The following HS6ST1 variants were observed in gnomAD, a reference collection of about 807,000 sequenced individuals.
The protein encoded by HS6ST1 is heparan sulfate 6-O-sulfotransferase 1.
A neutral mutation model predicts 25.2 loss-of-function variants in HS6ST1; 3 were observed. The observed-to-expected ratio is 0.12, with a 90% CI of 0.05 to 0.31. The LOEUF (loss-of-function observed/expected upper bound fraction) is 0.31, where lower values mean the gene tolerates loss of function less well. Among genes scored for constraint, HS6ST1 ranks in the 10% least tolerant of loss-of-function variants. The probability of loss-of-function intolerance (pLI) is 1.00; values close to 1 mark genes in which losing one functional copy is unlikely to be tolerated. For synonymous variants in HS6ST1, 204 were observed against 275.1 expected (o/e 0.74, Z 2.56); for missense variants, 310 against 609.6 (o/e 0.51, Z 5.18).
At chr2:128,305,650 G>A (rs1694197970) in intron 1 of HS6ST1, among the ~76,000 whole-genome samples, 1 of 152,242 alleles carries the variant, frequency 6.6e-6, no homozygotes, top group South Asian at 2.1e-4. Context: ...CTTAGTGCCT[G>A]GGCAGAGCCT....
chr2:128,304,116 C>T (rs1418683154), intron 1 of HS6ST1, among the ~76,000 whole-genome samples: 1 of 152,240 alleles, frequency 6.6e-6, no homozygotes, highest in East Asian at 1.9e-4. Flanking sequence ...TGCTCGCTGG[C>T]TTCCCTGGTT....
chr2:128,291,754 G>A (rs1001966586), intron 1 of HS6ST1, among the ~76,000 whole-genome samples: 14 of 152,194 alleles, frequency 9.2e-5, no homozygotes, highest in African/African-American at 2.2e-4. Flanking sequence ...CTCTTTCCAC[G>A]GGGAGGCCCT....
At chr2:128,312,083 C>A (rs13000253) in intron 1 of HS6ST1, among the ~76,000 whole-genome samples, 23,911 of 152,316 alleles carry the variant, frequency 0.16, 2,357 homozygotes, top group Non-Finnish European at 0.22. Context: ...CACAGGCCTA[C>A]ATGTGAAACT....
At chr2:128,309,236 TGAAG>T (rs1294525138) in intron 1 of HS6ST1, among the ~76,000 whole-genome samples, 2 of 152,024 alleles carry the variant, frequency 1.3e-5, no homozygotes, top group South Asian at 2.1e-4. Flanking sequence ...CTGTGGAGGG[TGAAG>T]GATAGTGTGG....
intron 1 of HS6ST1, among the ~76,000 whole-genome samples, chr2:128,309,150 C>T (rs1351996926): frequency 6.6e-6 from 1 of 152,204 alleles, no homozygotes. Flanking sequence ...GTTTCCCAGC[C>T]CCGAGGTGGG....
At chr2:128,317,133 C>T (rs751049402) in intron 1 of HS6ST1, among the ~76,000 whole-genome samples, 1 of 152,224 alleles carries the variant, frequency 6.6e-6, no homozygotes, top group Non-Finnish European at 1.5e-5. Context: ...AGGAAAATAA[C>T]CCCAACTTTA....
chr2:128,276,577 G>A (rs1693698876), intron 1 of HS6ST1, among the ~76,000 whole-genome samples: 1 of 152,220 alleles, frequency 6.6e-6, no homozygotes, highest in Non-Finnish European at 1.5e-5. Flanking sequence ...GTGAGCAGCT[G>A]GGGGTACAGG....
In HS6ST1 at chr2:128,268,472, T is replaced by C. The variant is rs777732997; in HGVS notation, c.926A>G (p.Asn309Ser). Reference sequence around the variant, plus strand: ...CATGAAGGGCCGGATGAACTTGAGGTTGAACGTCCGCTCGAACAGGTACTG... The same window carrying C: ...CATGAAGGGCCGGATGAACTTGAGGCTGAACGTCCGCTCGAACAGGTACTG... ...KTQYLFERTF[N>S]LKFIRPFMQY... The change falls in exon 2 of 2, where the codon AAC becomes AGC. Residue 309 changes from asparagine (N) to serine (S), a missense_variant. This residue lies in a region of HS6ST1 where 140 missense variants were observed against 176.5 expected (regional missense o/e 0.79). Transcript: ENST00000259241. The C allele has an allele frequency of 6.2e-6, 10 of 1,613,252 alleles. No homozygotes were observed. Among genetic ancestry groups the C allele is most frequent in the Admixed American group, 3.3e-5 (2 of 59,986 alleles).
chr2:128,292,367 C>T (rs559808730), intron 1 of HS6ST1, among the ~76,000 whole-genome samples: 25 of 152,340 alleles, frequency 1.6e-4, no homozygotes, highest in Middle Eastern at 3.4e-3. Context: ...CTGTGTTCCA[C>T]GCCCAGCTAC....
intron 1 of HS6ST1, among the ~76,000 whole-genome samples, chr2:128,276,911 C>T (rs1693704539): frequency 6.6e-6 from 1 of 152,172 alleles, no homozygotes. Context: ...ACAGGCTCCA[C>T]AAAAGGGGTG....
chr2:128,313,512 T>C (rs1342312569), intron 1 of HS6ST1, among the ~76,000 whole-genome samples: 1 of 152,188 alleles, frequency 6.6e-6, no homozygotes, highest in Admixed American at 6.5e-5. Context: ...TGCCTCATAC[T>C]TTCCTCCCAC....
chr2:128,284,506 T>TTTTTTTTTTTC lies in HS6ST1; in HGVS notation c.528-15637_528-15636insGAAAAAAAAAA, dbSNP rs1338372131. On this transcript the variant is annotated intron_variant, in intron 1 of 1. Coordinates refer to ENST00000259241, the MANE Select transcript of HS6ST1 (RefSeq NM_004807.3). ...ACTGTGGAGGTGACATCGTCCCTCT[T>TTTTTTTTTTTC]TTTTTTTTTTTTTGAGACGGAGTCT... 2.2e-4 allele frequency among the ~76,000 whole-genome samples: 18 copies of TTTTTTTTTTTC among 80,586 alleles called. 4 individuals are homozygous for TTTTTTTTTTTC. The highest frequency in any genetic ancestry group is 4.1e-4 in the African/African-American group (6 of 14,678). The allele number at this position is 80,586 out of a possible 152,430, so 52.9% of individuals were successfully genotyped here.
At chr2:128,299,452 A>G (rs8179774) in intron 1 of HS6ST1, among the ~76,000 whole-genome samples, 86,265 of 152,132 alleles carry the variant, frequency 0.57, 25,252 homozygotes, top group East Asian at 0.78. Flanking sequence ...CATGTGGGGA[A>G]ACTGAGTGGA....
chr2:128,315,919 C>T (rs1271253460), intron 1 of HS6ST1, among the ~76,000 whole-genome samples: 6 of 152,228 alleles, frequency 3.9e-5, no homozygotes, highest in South Asian at 4.1e-4. Context: ...GTCACCTGCC[C>T]GGTAGCACAA....
chr2:128,271,760 C>T (rs764725623), intron 1 of HS6ST1, among the ~76,000 whole-genome samples: 4 of 152,348 alleles, frequency 2.6e-5, no homozygotes, highest in Non-Finnish European at 5.9e-5. Flanking sequence ...CCTGCAGTGA[C>T]GGGTGGGCAC....
chr2:128,291,549 T>C (rs1693952560), intron 1 of HS6ST1, among the ~76,000 whole-genome samples: 1 of 152,202 alleles, frequency 6.6e-6, no homozygotes, highest in African/African-American at 2.4e-5. Context: ...GGCTTCTAAA[T>C]GAGCTCACCA....
At chr2:128,285,861 G>T (rs575587582) in intron 1 of HS6ST1, among the ~76,000 whole-genome samples, 1 of 152,348 alleles carries the variant, frequency 6.6e-6, no homozygotes, top group Non-Finnish European at 1.5e-5. Flanking sequence ...CAGTGGGACA[G>T]GTGCCGTCTG....
chr2:128,294,203 T>C (rs1405756223), intron 1 of HS6ST1, among the ~76,000 whole-genome samples: 1 of 152,186 alleles, frequency 6.6e-6, no homozygotes, highest in African/African-American at 2.4e-5. Flanking sequence ...GGCTCTTCTG[T>C]CATACACGCC....
chr2:128,282,477 A>G (rs1450341310), intron 1 of HS6ST1, among the ~76,000 whole-genome samples: 1 of 152,034 alleles, frequency 6.6e-6, no homozygotes, highest in Non-Finnish European at 1.5e-5. Flanking sequence ...ATGGTTGAAA[A>G]CGCTGCGGGT....
Sources: allele counts gnomAD v4.1 joint callset (sites outside exome capture counted in the v4.1 genomes callset), GRCh38; gene constraint gnomAD v4.1.1; regional missense constraint gnomAD v4.1.1; transcripts MANE v1.5; gene names NCBI Gene and HGNC (gene_info 2026-07-23, HGNC 2026-07-21).